CDH4: variants seen among roughly 807,000 people sequenced by gnomAD.
CDH4 encodes the protein cadherin 4.
CDH4 carries 33 observed loss-of-function variants against 86.0 expected under a neutral mutation model. That is an observed-to-expected ratio of 0.38 (90% CI 0.29 to 0.51). CDH4 has a LOEUF of 0.51. CDH4 is among the 20% of genes least tolerant of loss of function. The pLI is 0.86. For synonymous variants in CDH4, 555 were observed against 549.4 expected (o/e 1.01, Z -0.14); for missense variants, 1,114 against 1,307.4 (o/e 0.85, Z 2.28).
intron 2 of CDH4, among the ~76,000 whole-genome samples, chr20:61,595,457 C>T (rs1040369401): frequency 5.9e-5 from 9 of 152,196 alleles, no homozygotes; most frequent in Admixed American, 1.3e-4. Context: ...AAACGCTGTC[C>T]GAGAAGTCCA....
chr20:61,601,680 C>T (rs1037694625), intron 2 of CDH4, among the ~76,000 whole-genome samples: 53 of 152,210 alleles, frequency 3.5e-4, no homozygotes, highest in African/African-American at 1.2e-3. Flanking sequence ...TGGCCTTTCC[C>T]TGGTCTCAGT....
chr20:61,616,751 C>T (rs963341378), intron 2 of CDH4, among the ~76,000 whole-genome samples: 1 of 152,196 alleles, frequency 6.6e-6, no homozygotes, highest in African/African-American at 2.4e-5. Flanking sequence ...CCAGGTGGGT[C>T]CTTGCGTTTC....
At chr20:61,755,928 G>A (rs1038311561) in intron 3 of CDH4, among the ~76,000 whole-genome samples, 3 of 152,196 alleles carry the variant, frequency 2.0e-5, no homozygotes, top group African/African-American at 7.2e-5. Flanking sequence ...CAGCAGCAAA[G>A]GACCCAGCAC....
At chr20:61,385,902 G>C (rs193250532) in intron 2 of CDH4, among the ~76,000 whole-genome samples, 1 of 152,198 alleles carries the variant, frequency 6.6e-6, no homozygotes, top group African/African-American at 2.4e-5. Flanking sequence ...TATGTAGATT[G>C]CAGCTGCGGT....
At chr20:61,934,377 C>T (rs935032592) in intron 15 of CDH4, among the ~76,000 whole-genome samples, 157 bp downstream of exon 15, 17 of 152,208 alleles carry the variant, frequency 1.1e-4, no homozygotes, top group South Asian at 2.1e-4. Flanking sequence ...GCCCCTCCAG[C>T]GGGGTGGCCT....
chr20:61,387,599 CACAA>C (rs1334406750), intron 2 of CDH4, among the ~76,000 whole-genome samples: 6 of 152,202 alleles, frequency 3.9e-5, no homozygotes, highest in African/African-American at 9.6e-5. Context: ...CATTTGGCCA[CACAA>C]ACACACACAG....
chr20:61,568,892 A>G (rs1436264780), intron 2 of CDH4, among the ~76,000 whole-genome samples: 2 of 152,126 alleles, frequency 1.3e-5, no homozygotes, highest in East Asian at 1.9e-4. Flanking sequence ...CCCCAATGAG[A>G]GTGGAAGAGG....
chr20:61,567,218 C>A (rs767476697), intron 2 of CDH4, among the ~76,000 whole-genome samples: 24 of 152,354 alleles, frequency 1.6e-4, no homozygotes, highest in Non-Finnish European at 1.3e-4. Context: ...CCGAGCCCCC[C>A]AGGAAAGGCC....
rs991907335 is a variant in CDH4, at chr20:61,269,754, T to G, written c.169+14817T>G. On this transcript the variant is annotated intron_variant, in intron 2 of 15. Transcript: ENST00000614565. This position sits in a 1 kb window ranked among gnomAD's most constrained non-coding sequence, Gnocchi z 5.3. ...GAAGTGACCTGCCTGGCTGCTGATA[T>G]TTGGGAAAGGTGAGTTGCTCTCCCA... Among the ~76,000 whole-genome samples, 1 of 152,190 alleles carries G rather than the reference T, an allele frequency of 6.6e-6. No homozygotes were observed. Among genetic ancestry groups the G allele is most frequent in the Non-Finnish European group, 1.5e-5 (1 of 68,034 alleles).
At chr20:61,565,209 TGCTCTCG>T (rs2086267179) in intron 2 of CDH4, among the ~76,000 whole-genome samples, 1 of 26,434 alleles carries the variant, frequency 3.8e-5, no homozygotes, top group African/African-American at 1.8e-4. Context: ...GTGGTCGCGG[TGCTCTCG>T]GTGGTAGGTG....
At chr20:61,385,433 T>C (rs961315401) in intron 2 of CDH4, among the ~76,000 whole-genome samples, 1 of 149,318 alleles carries the variant, frequency 6.7e-6, no homozygotes, top group East Asian at 1.9e-4. Context: ...GAATTCATTG[T>C]GCCACTGACG....
intron 2 of CDH4, among the ~76,000 whole-genome samples, chr20:61,655,620 C>T (rs2087178939): frequency 6.6e-6 from 1 of 152,252 alleles, no homozygotes; most frequent in Admixed American, 6.5e-5. Flanking sequence ...GCTCCACTGG[C>T]CAAGAAGCTC....
At position 61,290,437 on chromosome 20, in the gene CDH4, G is replaced by A. The variant is rs2995909; in HGVS notation, c.169+35500G>A. Among the ~76,000 whole-genome samples, 394 of 54,882 alleles carry A rather than the reference G, an allele frequency of 7.2e-3. 10 individuals carry two copies. The highest frequency in any genetic ancestry group is 0.028 in the African/African-American group (356 of 12,746). 36.0% of individuals were successfully genotyped at this position (54,882 alleles called of 152,430 possible). ...CAATGAGACTTGCTGGGTTTATCCCGATATCCAATGAGACTTGCTGGATTT... is the reference window on the plus strand; with the variant it reads ...CAATGAGACTTGCTGGGTTTATCCCAATATCCAATGAGACTTGCTGGATTT... On this transcript the variant is annotated intron_variant, in intron 2 of 15. Transcript: ENST00000614565.
chr20:61,665,018 G>C (rs1188217801), intron 2 of CDH4, among the ~76,000 whole-genome samples: 1 of 152,248 alleles, frequency 6.6e-6, no homozygotes, highest in Non-Finnish European at 1.5e-5. Flanking sequence ...GTCTGAGATT[G>C]AGTAAATGAA....
intron 2 of CDH4, among the ~76,000 whole-genome samples, chr20:61,465,339 G>A (rs1338426310): frequency 1.3e-5 from 2 of 152,068 alleles, no homozygotes; most frequent in Admixed American, 6.5e-5. Context: ...AATGGGGGAG[G>A]AAGGAGTGGA....
At chr20:61,335,474 G>A (rs894185468) in intron 2 of CDH4, among the ~76,000 whole-genome samples, 1 of 152,208 alleles carries the variant, frequency 6.6e-6, no homozygotes, top group East Asian at 1.9e-4. Flanking sequence ...ACTCAGTGGG[G>A]CCTTCCAGGG....
chr20:61,919,234 G>A (rs888642880), intron 9 of CDH4, among the ~76,000 whole-genome samples: 12 of 152,154 alleles, frequency 7.9e-5, no homozygotes, highest in Admixed American at 4.6e-4. Context: ...TAGCAGTGCC[G>A]AGAAGTCCTG....
intron 2 of CDH4, among the ~76,000 whole-genome samples, chr20:61,638,030 T>TGAAAAAAA (rs147676924): frequency 1.4e-5 from 2 of 141,400 alleles, no homozygotes; most frequent in African/African-American, 5.4e-5. Context: ...AAACTCCGTC[T>TGAAAAAAA]AAAAAAAAAA....
intron 3 of CDH4, among the ~76,000 whole-genome samples, chr20:61,751,410 A>G (rs768308050): frequency 6.6e-6 from 1 of 152,340 alleles, no homozygotes; most frequent in South Asian, 2.1e-4. Flanking sequence ...AGATGATTAG[A>G]TAGACACTTG....
Sources: gnomAD v4.1 joint callset for allele counts (sites outside exome capture counted in the v4.1 genomes callset) on GRCh38, gnomAD v4.1.1 for gene constraint, Gnocchi (gnomAD v3.1) non-coding constraint, MANE v1.5 for transcripts, NCBI Gene and HGNC (gene_info 2026-07-23, HGNC 2026-07-21) for gene names.